The following RPS6KA5 variants were observed in gnomAD, a reference collection of about 807,000 sequenced individuals.
RPS6KA5 encodes the protein ribosomal protein S6 kinase A5.
In RPS6KA5, 27 loss-of-function variants were observed where a neutral mutation model predicts 85.5. That is an observed-to-expected ratio of 0.32 (90% CI 0.23 to 0.44). The LOEUF is 0.44. Among genes scored for constraint, RPS6KA5 ranks in the 20% least tolerant of loss-of-function variants. The pLI is 1.00. For synonymous variants in RPS6KA5, 334 were observed against 348.2 expected (o/e 0.96, Z 0.46); for missense variants, 811 against 980.9 (o/e 0.83, Z 2.31).
chr14:90,981,807 G>A (rs1313682261), intron 2 of RPS6KA5, among the ~76,000 whole-genome samples: 2 of 152,228 alleles, frequency 1.3e-5, no homozygotes, highest in Non-Finnish European at 1.5e-5. Context: ...AGTGCCTTAC[G>A]ACATTCCAAA....
At chr14:91,035,575 C>T (rs1319558274) in intron 1 of RPS6KA5, among the ~76,000 whole-genome samples, 1 of 151,644 alleles carries the variant, frequency 6.6e-6, no homozygotes, top group Non-Finnish European at 1.5e-5. Flanking sequence ...AGGGTAGGTA[C>T]ATTTGGAAAC....
chr14:90,900,493 C>T (rs1256176789), intron 10 of RPS6KA5, 118 bp downstream of exon 10: 5 of 1,018,546 alleles, frequency 4.9e-6, no homozygotes, highest in Non-Finnish European at 5.5e-6. Flanking sequence ...ATTGCTATAT[C>T]CCACTTTTAA....
chr14:91,027,885 T>C (rs1454744406), intron 1 of RPS6KA5, among the ~76,000 whole-genome samples: 1 of 152,202 alleles, frequency 6.6e-6, no homozygotes, highest in Admixed American at 6.5e-5. Flanking sequence ...TGGGCCTATC[T>C]TGTGTCAGAT....
At chr14:91,034,122 C>T (rs1038439042) in intron 1 of RPS6KA5, among the ~76,000 whole-genome samples, 2 of 151,964 alleles carry the variant, frequency 1.3e-5, no homozygotes, top group African/African-American at 4.8e-5. Context: ...GCCTGGGCAA[C>T]ACAGCAAAAC....
At chr14:91,027,029 T>C (rs2042014342) in intron 1 of RPS6KA5, among the ~76,000 whole-genome samples, 1 of 152,236 alleles carries the variant, frequency 6.6e-6, no homozygotes. Context: ...TATTAGGCCT[T>C]TGTCAGATAC....
At chr14:91,023,947 T>C (rs1245687145) in intron 1 of RPS6KA5, among the ~76,000 whole-genome samples, 1 of 152,234 alleles carries the variant, frequency 6.6e-6, no homozygotes, top group Non-Finnish European at 1.5e-5. Context: ...CATTTCAATG[T>C]GTATACTCAA....
intron 10 of RPS6KA5, 43 bp downstream of exon 10, chr14:90,900,568 C>T: frequency 6.3e-7 from 1 of 1,582,852 alleles, no homozygotes; most frequent in South Asian, 1.2e-5. Flanking sequence ...TAAACACTCA[C>T]AAAACCTACA....
intron 6 of RPS6KA5, among the ~76,000 whole-genome samples, chr14:90,921,177 C>T (rs952221429): frequency 2.0e-5 from 3 of 152,010 alleles, no homozygotes; most frequent in Non-Finnish European, 4.4e-5. Context: ...ATTTCCAGGG[C>T]CTAAGTTTCA....
At chr14:91,017,232 T>C (rs371581426) in intron 1 of RPS6KA5, among the ~76,000 whole-genome samples, 2 of 152,220 alleles carry the variant, frequency 1.3e-5, no homozygotes, top group Admixed American at 1.3e-4. Context: ...CCATGCCAGG[T>C]TGATAACACT....
rs2031994155 is a variant in RPS6KA5, at chr14:90,851,467, A to G, written c.*20607T>C. The G allele has an allele frequency of 6.6e-6, 1 of 152,212 alleles. No homozygotes were observed. The highest frequency in any genetic ancestry group is 6.5e-5 in the Admixed American group (1 of 15,280). 9.4% of individuals were successfully genotyped at this position (152,212 alleles called of 1,614,324 possible). ...AATCCTCTTTAATCGATCCCTCAGTATGCTGGTGAGACAGGGAGGCACAGG... is the reference window on the plus strand; with the variant it reads ...AATCCTCTTTAATCGATCCCTCAGTGTGCTGGTGAGACAGGGAGGCACAGG... On this transcript the variant is annotated 3_prime_UTR_variant, in exon 17 of 17. Transcript: ENST00000614987.
intron 5 of RPS6KA5, among the ~76,000 whole-genome samples, chr14:90,939,095 T>C (rs1268877328): frequency 6.6e-6 from 1 of 152,238 alleles, no homozygotes; most frequent in African/African-American, 2.4e-5. Context: ...TGCTGCTTAG[T>C]AATTTCTTCT....
At chr14:91,004,728 G>A (rs1387167129) in intron 1 of RPS6KA5, among the ~76,000 whole-genome samples, 1 of 152,016 alleles carries the variant, frequency 6.6e-6, no homozygotes, top group African/African-American at 2.4e-5. Context: ...AACACTTTGG[G>A]AGGCCGAGGC....
At chr14:90,949,389 T>C (rs1430899673) in intron 3 of RPS6KA5, among the ~76,000 whole-genome samples, 1 of 152,230 alleles carries the variant, frequency 6.6e-6, no homozygotes, top group African/African-American at 2.4e-5. Flanking sequence ...GTTATCTTGC[T>C]ATACTGCAAT....
intron 5 of RPS6KA5, among the ~76,000 whole-genome samples, chr14:90,926,071 T>C (rs889754647): frequency 6.6e-6 from 1 of 151,718 alleles, no homozygotes; most frequent in Non-Finnish European, 1.5e-5. Flanking sequence ...GACAGTAAAT[T>C]AGAGGATACT....
At chr14:91,054,898 A>G (rs994173559) in intron 1 of RPS6KA5, among the ~76,000 whole-genome samples, 1 of 152,172 alleles carries the variant, frequency 6.6e-6, no homozygotes, top group African/African-American at 2.4e-5. Flanking sequence ...GCAAATCCAT[A>G]TTCCTGATAA....
chr14:91,032,516 T>TA (rs1014491541), intron 1 of RPS6KA5, among the ~76,000 whole-genome samples: 6 of 151,508 alleles, frequency 4.0e-5, no homozygotes, highest in East Asian at 1.9e-4. Context: ...CGGAATCAAT[T>TA]AAAAAAAAAC....
At position 90,935,478 on chromosome 14, in the gene RPS6KA5, T is replaced by C. The variant is rs114771037; in HGVS notation, c.618+7600A>G. 2.9e-3 allele frequency among the ~76,000 whole-genome samples: 438 copies of C among 152,326 alleles called. 2 individuals are homozygous for C. Among genetic ancestry groups the C allele is most frequent in the Middle Eastern group, 0.014 (4 of 294 alleles). ...TGATAATTCTATAAATTAGGTATGA[T>C]AAATATTATTTTACAGATGATGAAA... On this transcript the variant is annotated intron_variant, in intron 5 of 16. Transcript: ENST00000614987.
chr14:90,863,374 T>C lies in RPS6KA5; in HGVS notation c.*8700A>G, dbSNP rs1341807343. The C allele has an allele frequency of 6.9e-6, 1 of 145,666 alleles. No homozygotes were observed. Among genetic ancestry groups the C allele is most frequent in the Non-Finnish European group, 1.5e-5 (1 of 66,398 alleles). The allele number at this position is 145,666 out of a possible 1,614,324, so 9.0% of individuals were successfully genotyped here. A position where few individuals can be genotyped will look rare whatever the true frequency, so the allele number is the denominator to read the frequency against. On this transcript the variant is annotated 3_prime_UTR_variant, in exon 17 of 17. Transcript: ENST00000614987. ...TATATATATATAGAATAGAAAAATA[T>C]TGAATTCTTATTCTGAGTTGAAGAA...
intron 8 of RPS6KA5, 84 bp from the exon 9 acceptor site, chr14:90,903,053 G>T: frequency 8.7e-7 from 1 of 1,146,072 alleles, no homozygotes; most frequent in Non-Finnish European, 1.3e-6. Flanking sequence ...TTAGGATTTT[G>T]ACTGGTAGGG....
Sources: gnomAD v4.1 joint callset for allele counts (sites outside exome capture counted in the v4.1 genomes callset) on GRCh38, gnomAD v4.1.1 for gene constraint, MANE v1.5 for transcripts, NCBI Gene and HGNC (gene_info 2026-07-23, HGNC 2026-07-21) for gene names.